The following STK3 variants were observed in gnomAD, a reference collection of about 807,000 sequenced individuals.
The protein encoded by STK3 is serine/threonine-protein kinase 3.
STK3 carries 41 observed loss-of-function variants against 58.0 expected under a neutral mutation model. The ratio of observed to expected loss-of-function variants is 0.71; its 90% CI spans 0.55 to 0.92. STK3 has a LOEUF of 0.92. STK3 is among the 40% of genes least tolerant of loss of function. The pLI is 0.00. For synonymous variants in STK3, 170 were observed against 191.0 expected (o/e 0.89, Z 0.91); for missense variants, 479 against 602.7 (o/e 0.79, Z 2.15).
chr8:98,881,120 A>T (rs1163890228), downstream of STK3: 3 of 152,366 alleles, frequency 2.0e-5, no homozygotes, highest in South Asian at 6.2e-4. Context: ...AAACTTGAAC[A>T]TGACAATGAT....
intron 3 of STK3, among the ~76,000 whole-genome samples, chr8:98,841,348 A>G (rs1379006462): frequency 1.3e-5 from 2 of 152,244 alleles, no homozygotes; most frequent in Non-Finnish European, 2.9e-5. Flanking sequence ...AAAACTTATC[A>G]AACAATTGAT....
chr8:98,619,265 T>C (rs1818043820), intron 6 of STK3, among the ~76,000 whole-genome samples: 2 of 150,988 alleles, frequency 1.3e-5, no homozygotes, highest in South Asian at 2.1e-4. Flanking sequence ...TAGCCATATG[T>C]AGAAAGCTGA....
intron 1 of STK3, among the ~76,000 whole-genome samples, chr8:98,928,440 T>C (rs558247595): frequency 3.0e-4 from 45 of 152,386 alleles, no homozygotes; most frequent in African/African-American, 1.1e-3. Flanking sequence ...CTTTAAAATA[T>C]ACCTATGCAT....
intron 1 of STK3, among the ~76,000 whole-genome samples, chr8:98,803,536 G>A (rs1332039612): frequency 6.8e-6 from 1 of 146,532 alleles, no homozygotes; most frequent in Admixed American, 7.0e-5. Flanking sequence ...GGAGCTTGCA[G>A]TGAGCCAAGA....
intron 7 of STK3, among the ~76,000 whole-genome samples, chr8:98,586,973 T>C (rs1325831210): frequency 1.3e-5 from 2 of 152,132 alleles, no homozygotes; most frequent in Non-Finnish European, 2.9e-5. Flanking sequence ...TTGCATCTAT[T>C]TGATTCTTCT....
At position 98,825,597 on chromosome 8, in the gene STK3, G is replaced by C; in HGVS notation, c.-57C>G. 1.4e-6 allele frequency: 2 copies of C among 1,389,262 alleles called. No individual in the cohort carries two copies. Among genetic ancestry groups the C allele is most frequent in the Admixed American group, 6.7e-5 (2 of 29,902 alleles). 86.1% of individuals were successfully genotyped at this position (1,389,262 alleles called of 1,614,324 possible). A position where few individuals can be genotyped will look rare whatever the true frequency, so the allele number is the denominator to read the frequency against. On this transcript the variant is annotated 5_prime_UTR_variant, in exon 1 of 11. Transcript: ENST00000419617. ...GACGGCGAAGGCCGAAAGGAGGAAA[G>C]GAGCCGGGGCACCGGCCGGCCGAGC...
rs1011516563 is a variant in STK3, at chr8:98,860,772, G to A, written c.110+22875C>T. ...GACAAACACACAAAAATCTGGACAC[G>A]GGGTGGATGCGGTGGCTCATGCCTG... On this transcript the variant is annotated intron_variant, in intron 3 of 12. Coordinates refer to the STK3 transcript ENST00000523601. Among the ~76,000 whole-genome samples, 7 of 152,220 alleles carry A rather than the reference G, an allele frequency of 4.6e-5. No individual in the cohort carries two copies. The East Asian group carries it at 5.8e-4, about 13-fold the overall frequency.
chr8:98,614,311 G>A (rs968894197), intron 6 of STK3, among the ~76,000 whole-genome samples: 2 of 152,210 alleles, frequency 1.3e-5, no homozygotes, highest in Admixed American at 1.3e-4. Flanking sequence ...TTAAAGAACT[G>A]AACAGAGTAG....
At chr8:98,730,913 G>A (rs1430429713) in intron 4 of STK3, among the ~76,000 whole-genome samples, 2 of 152,058 alleles carry the variant, frequency 1.3e-5, no homozygotes, top group African/African-American at 2.4e-5. Context: ...ATTTAAATAT[G>A]CTTCTATTAA....
chr8:98,385,366 C>T (rs778051123), intron 1 of STK3, among the ~76,000 whole-genome samples: 27 of 152,192 alleles, frequency 1.8e-4, no homozygotes, highest in Non-Finnish European at 3.5e-4. Flanking sequence ...ATGGGGTGTC[C>T]GGGAAATAAG....
chr8:98,653,712 C>A (rs1250862751), intron 6 of STK3, among the ~76,000 whole-genome samples: 1 of 152,150 alleles, frequency 6.6e-6, no homozygotes, highest in Non-Finnish European at 1.5e-5. Flanking sequence ...CACCTCTGTG[C>A]AAATAAACTA....
At chr8:98,395,917 G>C (rs566936433) in intron 3 of STK3, among the ~76,000 whole-genome samples, 2 of 152,336 alleles carry the variant, frequency 1.3e-5, no homozygotes, top group East Asian at 3.9e-4. Flanking sequence ...TTCTTGACTA[G>C]ATATTTTAAT....
chr8:98,935,803 TG>T (rs1439345551), intron 1 of STK3, among the ~76,000 whole-genome samples: 2 of 152,202 alleles, frequency 1.3e-5, no homozygotes, highest in East Asian at 3.8e-4. Context: ...ACTTCTTACA[TG>T]GATAGGAGGA....
At chr8:98,714,198 C>A (rs1223585430) in intron 4 of STK3, among the ~76,000 whole-genome samples, 1 of 152,202 alleles carries the variant, frequency 6.6e-6, no homozygotes, top group African/African-American at 2.4e-5. Context: ...AAACTGGAAG[C>A]ATTCCCTTTG....
chr8:98,762,246 T>C (rs1173797555), intron 3 of STK3, among the ~76,000 whole-genome samples: 1 of 152,146 alleles, frequency 6.6e-6, no homozygotes, highest in Non-Finnish European at 1.5e-5. Context: ...TTCTTTTTTG[T>C]TTCTTTTTTT....
At chr8:98,559,121 T>C (rs1481776933) in intron 8 of STK3, among the ~76,000 whole-genome samples, 2 of 152,178 alleles carry the variant, frequency 1.3e-5, no homozygotes, top group Admixed American at 1.3e-4. Context: ...ACCTTATTAA[T>C]TATTAAATGC....
chr8:98,733,862 T>C (rs547398087), intron 4 of STK3, among the ~76,000 whole-genome samples: 112 of 152,304 alleles, frequency 7.4e-4, no homozygotes, highest in Non-Finnish European at 1.4e-3. Context: ...ATAAAACTGC[T>C]GTATTCATCC....
At chr8:98,676,424 T>C (rs1823214484) in intron 6 of STK3, among the ~76,000 whole-genome samples, 1 of 152,060 alleles carries the variant, frequency 6.6e-6, no homozygotes, top group Non-Finnish European at 1.5e-5. Flanking sequence ...TCCAGCCCAA[T>C]CAACATGGTG....
chr8:98,694,865 C>G (rs982371753), intron 6 of STK3, among the ~76,000 whole-genome samples: 1 of 152,182 alleles, frequency 6.6e-6, no homozygotes, highest in Non-Finnish European at 1.5e-5. Context: ...GGTATATACC[C>G]AGTAATGGGA....
Sources: allele counts gnomAD v4.1 joint callset (sites outside exome capture counted in the v4.1 genomes callset), GRCh38; gene constraint gnomAD v4.1.1; transcripts MANE v1.5; gene names NCBI Gene and HGNC (gene_info 2026-07-23, HGNC 2026-07-21).